HDAC9: variants seen among roughly 807,000 people sequenced by gnomAD.
The protein encoded by HDAC9 is histone deacetylase 9.
HDAC9 carries 41 observed loss-of-function variants against 139.4 expected under a neutral mutation model. The ratio of observed to expected loss-of-function variants is 0.29; its 90% CI spans 0.23 to 0.38. HDAC9 has a LOEUF of 0.38. Among genes scored for constraint, HDAC9 ranks in the 10% least tolerant of loss-of-function variants. HDAC9 has a pLI of 1.00. For missense variants in HDAC9, 1,147 were observed against 1,297.0 expected (o/e 0.88, Z 1.78); for synonymous variants, 517 against 476.2 (o/e 1.09, Z -1.12).
intron 12 of HDAC9, among the ~76,000 whole-genome samples, chr7:18,690,330 C>T (rs1247428014): frequency 6.6e-6 from 1 of 151,952 alleles, no homozygotes; most frequent in Non-Finnish European, 1.5e-5. Flanking sequence ...CATAACTGTT[C>T]ATAGGTTATA....
intron 12 of HDAC9, chr7:18,667,884 CTAGT>C (rs1456304172): frequency 3.1e-5 from 30 of 982,946 alleles, no homozygotes; most frequent in African/African-American, 3.5e-5. Context: ...TTTTGTTAAG[CTAGT>C]TAAAGGTTCG....
At chr7:18,399,828 C>T (rs1254218410) in intron 1 of HDAC9, among the ~76,000 whole-genome samples, 2 of 152,222 alleles carry the variant, frequency 1.3e-5, no homozygotes, top group African/African-American at 2.4e-5. Context: ...CTGCATAAGG[C>T]TCCCAGGCAC....
chr7:18,451,762 G>T (rs1217793346), intron 1 of HDAC9, among the ~76,000 whole-genome samples: 1 of 152,050 alleles, frequency 6.6e-6, no homozygotes, highest in African/African-American at 2.4e-5. Flanking sequence ...GGTGAACTGT[G>T]TGATGTGAGA....
chr7:18,122,924 T>C (rs1055555793), intron 1 of HDAC9, among the ~76,000 whole-genome samples: 1 of 152,190 alleles, frequency 6.6e-6, no homozygotes, highest in African/African-American at 2.4e-5. Flanking sequence ...GATCTATCAT[T>C]ACATACAAAG....
At chr7:18,990,633 GC>G (rs1292973909) in intron 25 of HDAC9, among the ~76,000 whole-genome samples, 1 of 152,210 alleles carries the variant, frequency 6.6e-6, no homozygotes, top group Non-Finnish European at 1.5e-5. Flanking sequence ...AATGGCGGGC[GC>G]CCCTCCCCCA....
chr7:18,650,005 A>C (rs182571041), intron 11 of HDAC9, among the ~76,000 whole-genome samples: 62 of 152,244 alleles, frequency 4.1e-4, no homozygotes, highest in Non-Finnish European at 8.4e-4. Context: ...AAATTTAGCA[A>C]ATATTTCGGT....
intron 2 of HDAC9, among the ~76,000 whole-genome samples, chr7:18,242,333 A>T (rs1794242439): frequency 6.6e-6 from 1 of 152,202 alleles, no homozygotes; most frequent in Admixed American, 6.5e-5. Context: ...TATTTGCATG[A>T]GTAGAATTTT....
At chr7:18,149,327 T>A (rs1786576646) in intron 1 of HDAC9, among the ~76,000 whole-genome samples, 1 of 149,758 alleles carries the variant, frequency 6.7e-6, no homozygotes. Context: ...AACAACATAT[T>A]AATTCTTATA....
chr7:18,267,375 AAT>A (rs1345085958), intron 2 of HDAC9, among the ~76,000 whole-genome samples: 1 of 152,086 alleles, frequency 6.6e-6, no homozygotes, highest in African/African-American at 2.4e-5. Flanking sequence ...CATGACGTAC[AAT>A]AGATCTCTTG....
chr7:18,903,217 C>T (rs904677542), intron 22 of HDAC9, among the ~76,000 whole-genome samples: 1 of 152,212 alleles, frequency 6.6e-6, no homozygotes, highest in African/African-American at 2.4e-5. Flanking sequence ...GCATTTGGGT[C>T]CTGACTTGGC....
rs1554388661 is a variant in HDAC9, at chr7:18,356,368, T to TTC, written c.-42+65854_-42+65855insCT. 1.3e-3 allele frequency among the ~76,000 whole-genome samples: 190 copies of TTC among 142,524 alleles called. 2 individuals are homozygous for TTC. Among genetic ancestry groups the TTC allele is most frequent in the African/African-American group, 4.7e-3 (183 of 38,592 alleles). The allele number at this position is 142,524 out of a possible 152,430, so 93.5% of individuals were successfully genotyped here. On this transcript the variant is annotated intron_variant, in intron 1 of 3. Transcript: ENST00000413509. ...GAGGGCAGCACATAGGTTTTTTTTTTTTTTTTTTTTTTTTTTTAAAGACAA... is the reference window on the plus strand; with the variant it reads ...GAGGGCAGCACATAGGTTTTTTTTTTTCTTTTTTTTTTTTTTTTTAAAGACAA...
chr7:18,458,819 A>G (rs952649795), intron 1 of HDAC9: 31 of 1,526,612 alleles, frequency 2.0e-5, no homozygotes, highest in Admixed American at 2.0e-4. Context: ...TCCTTCTTCA[A>G]CCTGACTTTC....
chr7:18,437,163 T>C (rs1791279518), intron 1 of HDAC9, among the ~76,000 whole-genome samples: 1 of 152,164 alleles, frequency 6.6e-6, no homozygotes, highest in African/African-American at 2.4e-5. Context: ...AAGTAGCCTT[T>C]AAGGTCTGAG....
intron 16 of HDAC9, among the ~76,000 whole-genome samples, chr7:18,771,147 G>T (rs1158402983): frequency 6.6e-6 from 1 of 152,102 alleles, no homozygotes; most frequent in Non-Finnish European, 1.5e-5. Context: ...CTGACTAAGT[G>T]GTTGAAGATA....
chr7:18,649,177 A>G (rs1788430938), intron 11 of HDAC9, among the ~76,000 whole-genome samples: 1 of 152,110 alleles, frequency 6.6e-6, no homozygotes, highest in South Asian at 2.1e-4. Flanking sequence ...TTTCTCGGAA[A>G]CTTGTGATCA....
At chr7:18,892,053 T>C (rs1800729847) in intron 22 of HDAC9, 1 of 152,164 alleles carries the variant, frequency 6.6e-6, no homozygotes, top group South Asian at 2.1e-4. Flanking sequence ...TTTACTCCCA[T>C]GTAACAATCA....
At chr7:18,743,915 G>T (rs552548112) in intron 13 of HDAC9, among the ~76,000 whole-genome samples, 1 of 148,490 alleles carries the variant, frequency 6.7e-6, no homozygotes, top group East Asian at 2.0e-4. Context: ...AAAAATTTTT[G>T]TGTTTTTAGG....
At chr7:18,715,682 A>G (rs992872088) in intron 12 of HDAC9, among the ~76,000 whole-genome samples, 1 of 152,208 alleles carries the variant, frequency 6.6e-6, no homozygotes, top group Non-Finnish European at 1.5e-5. Context: ...TTTAAAAAAT[A>G]CATTCATGAC....
At chr7:18,546,344 C>T (rs1019574956) in intron 2 of HDAC9, among the ~76,000 whole-genome samples, 1 of 152,174 alleles carries the variant, frequency 6.6e-6, no homozygotes, top group African/African-American at 2.4e-5. Context: ...CACTGGGTCA[C>T]ATCTGGATCA....
Sources: gnomAD v4.1 joint callset for allele counts (sites outside exome capture counted in the v4.1 genomes callset) on GRCh38, gnomAD v4.1.1 for gene constraint, MANE v1.5 for transcripts, NCBI Gene and HGNC (gene_info 2026-07-23, HGNC 2026-07-21) for gene names.